The following FOSB variants were observed in gnomAD, a reference collection of about 807,000 sequenced individuals.
FOSB encodes FosB proto-oncogene, AP-1 transcription factor subunit.
In FOSB, 8 loss-of-function variants were observed where a neutral mutation model predicts 31.1. The observed-to-expected ratio is 0.26, with a 90% confidence interval of 0.15 to 0.46. The LOEUF is 0.46. FOSB is among the 20% of genes least tolerant of loss of function. The probability of loss-of-function intolerance (pLI) is 0.99; values close to 1 mark genes in which losing one functional copy is unlikely to be tolerated. For missense variants in FOSB, 376 were observed against 460.6 expected (o/e 0.82, Z 1.68); for synonymous variants, 214 against 206.1 (o/e 1.04, Z -0.33).
At chr19:45,471,072 A>G (rs1411768618) in intron 2 of FOSB, 122 bp from the exon 3 acceptor site, 3 of 1,333,102 alleles carry the variant, frequency 2.3e-6, no homozygotes, top group East Asian at 2.5e-5. Context: ...GATCCTTGCT[A>G]CACGAGCGAG....
Position 45,474,278 on chromosome 19 carries a change from C to A in FOSB, c.*1266C>A, listed in dbSNP as rs911805738. On this transcript the variant is annotated 3_prime_UTR_variant, in exon 4 of 4. Transcript: ENST00000353609. ...AGCTGAGGCTTTGGTACCCCCAAAC[C>A]CCCAATATTTTTGGACTGGCAGACT... 1 of 152,364 alleles carries A rather than the reference C, an allele frequency of 6.6e-6. No homozygotes were observed. Among genetic ancestry groups the A allele is most frequent in the Non-Finnish European group, 1.5e-5 (1 of 68,014 alleles). The allele number at this position is 152,364 out of a possible 1,614,324, so 9.4% of individuals were successfully genotyped here. A position where few individuals can be genotyped will look rare whatever the true frequency, so the allele number is the denominator to read the frequency against.
Position 45,474,721 on chromosome 19 carries a change from T to C in FOSB, c.*1709T>C, listed in dbSNP as rs989069304. On this transcript the variant is annotated 3_prime_UTR_variant, in exon 4 of 4. Coordinates refer to ENST00000353609, the MANE Select transcript of FOSB (RefSeq NM_006732.3). ...AATTGGAAACTGCTTCTAGAAACTCTGGCTCAGCCTGTCTCGGGCTGACCC... is the reference window on the plus strand; with the variant it reads ...AATTGGAAACTGCTTCTAGAAACTCCGGCTCAGCCTGTCTCGGGCTGACCC... The C allele has an allele frequency of 1.3e-5, 2 of 152,120 alleles. No homozygotes were observed. The highest frequency in any genetic ancestry group is 2.9e-5 in the Non-Finnish European group (2 of 68,018). The allele number at this position is 152,120 out of a possible 1,614,324, so 9.4% of individuals were successfully genotyped here.
rs949236153 is a variant in FOSB, at chr19:45,473,512, C to T, written c.*500C>T. On this transcript the variant is annotated 3_prime_UTR_variant, in exon 4 of 4. Transcript: ENST00000353609. ...TTTTTGGGGTGCCTAGGTTGGTTTCCCCTGCACTCCCGACCTTAGCTTATT... is the reference window on the plus strand; with the variant it reads ...TTTTTGGGGTGCCTAGGTTGGTTTCTCCTGCACTCCCGACCTTAGCTTATT... The T allele has an allele frequency of 6.3e-6, 1 of 159,136 alleles. No individual in the cohort carries two copies. The highest frequency in any genetic ancestry group is 1.4e-5 in the Non-Finnish European group (1 of 72,096). 9.9% of individuals were successfully genotyped at this position (159,136 alleles called of 1,614,324 possible). A position where few individuals can be genotyped will look rare whatever the true frequency, so the allele number is the denominator to read the frequency against.
chr19:45,470,664 C>A lies in FOSB; in HGVS notation c.162C>A (p.Phe54Leu). ...CAGLGEMPGSFVPTVTAITTS... is the reference protein window; with the variant it reads ...CAGLGEMPGSLVPTVTAITTS... ...GTCTCGGGGAAATGCCCGGTTCCTT[C>A]GTGCCCACGGTCACCGCGATCACAA... The change falls in exon 2 of 4, where the codon TTC becomes TTA. Residue 54 changes from phenylalanine (F) to leucine (L), a missense_variant. Physicochemically the swap from Phe to Leu is conservative, Grantham distance 22. Transcript: ENST00000353609. 1 of 1,612,044 alleles carries A rather than the reference C, an allele frequency of 6.2e-7. No homozygotes were observed. The highest frequency in any genetic ancestry group is 1.1e-5 in the South Asian group (1 of 91,008).
intron 1 of FOSB, chr19:45,469,879 G>A (rs1967575976): frequency 1.3e-5 from 2 of 152,318 alleles, no homozygotes; most frequent in Admixed American, 1.3e-4. Context: ...CCCCCCGAGA[G>A]AGTAGTTAAG....
chr19:45,472,526 T>G lies in FOSB; in HGVS notation c.556-25T>G, dbSNP rs377657527. On this transcript the variant is annotated intron_variant, in intron 3 of 3. Transcript: ENST00000353609. The surrounding 1 kb of genome is among the most constrained non-coding windows in gnomAD (Gnocchi z 5.4). ...TTTTTTCTCCTTCCTCTCTCTCTTC[T>G]GTGACCTGGCCTCCCTGGCCTCAGG... The G allele has an allele frequency of 1.3e-6, 2 of 1,490,296 alleles. No individual in the cohort carries two copies. The highest frequency in any genetic ancestry group is 4.7e-5 in the East Asian group (2 of 42,666). 92.3% of individuals were successfully genotyped at this position (1,490,296 alleles called of 1,614,324 possible). A position where few individuals can be genotyped will look rare whatever the true frequency, so the allele number is the denominator to read the frequency against.
Position 45,468,629 on chromosome 19 carries a change from T to C in FOSB, c.43T>C (p.Cys15Arg). 1 of 1,613,618 alleles carries C rather than the reference T, an allele frequency of 6.2e-7. No individual in the cohort carries two copies. The highest frequency in any genetic ancestry group is 8.5e-7 in the Non-Finnish European group (1 of 1,179,884). Residue 15 changes from cysteine (C) to arginine (R), a missense_variant, in exon 1 of 4, where the codon TGC becomes CGC. Cys to Arg is a radical substitution (Grantham distance 180). Transcript: ENST00000353609. This position sits in a 1 kb window ranked among gnomAD's most constrained non-coding sequence, Gnocchi z 4.8. ...FPGDYDSGSRCSSSPSAESQY... is the reference protein window; with the variant it reads ...FPGDYDSGSRRSSSPSAESQY... ...CGGAGACTACGACTCCGGCTCCCGG[T>C]GCAGCTCCTCACCCTCTGCCGAGTC... is the stretch of plus-strand genomic sequence containing the variant.
rs201193101 is a variant in FOSB at position 45,470,892 on chromosome 19, T to G, written c.390T>G (p.Ser130Arg). The G allele has an allele frequency of 2.3e-4, 365 of 1,613,610 alleles. No individual in the cohort carries two copies. Among genetic ancestry groups the G allele is most frequent in the Non-Finnish European group, 3.0e-4 (353 of 1,179,988 alleles). Residue 130 changes from serine to arginine, a missense_variant, in exon 2 of 4, where the codon AGT (serine) becomes AGG (arginine). Ser to Arg is a moderately radical substitution (Grantham distance 110, BLOSUM62 -1). Transcript: ENST00000353609. ...SGGPSTSGTT[S>R]GPGPARPARA... is the part of the protein sequence containing the mutation. ...GGCCTTCCACCAGCGGAACTACCAG[T>G]GGGCCTGGGCCTGCCCGCCCAGCCC...
chr19:45,471,686 A>C, intron 3 of FOSB: 2 of 170,404 alleles, frequency 1.2e-5, no homozygotes, highest in African/African-American at 2.4e-5. Context: ...GGCTCTTTCT[A>C]CCCTTAACAC....
In FOSB at chr19:45,472,598, C is replaced by A. The variant is rs1217836451; in HGVS notation, c.603C>A (p.Ile201=). The change falls in exon 4 of 4, where the codon ATC becomes ATA. Residue 201 remains isoleucine (I), a synonymous_variant. Transcript: ENST00000353609. This position sits in a 1 kb window ranked among gnomAD's most constrained non-coding sequence, Gnocchi z 5.4. ...AAAAAGCAGAGCTGGAGTCGGAGAT[C>A]GCCGAGCTCCAAAAGGAGAAGGAAC... ...EEEKAELESE[I]AELQKEKERL... is the part of the protein sequence containing the mutation. 6.5e-7 allele frequency: 1 copy of A among 1,531,962 alleles called. No homozygotes were observed. Among genetic ancestry groups the A allele is most frequent in the South Asian group, 1.3e-5 (1 of 77,172 alleles). 94.9% of individuals were successfully genotyped at this position (1,531,962 alleles called of 1,614,324 possible).
At chr19:45,471,022 G>T in intron 2 of FOSB, 73 bp downstream of exon 2, 6 of 1,490,414 alleles carry the variant, frequency 4.0e-6, no homozygotes, top group Non-Finnish European at 5.5e-6. Context: ...TATGAATGGA[G>T]GGGGGCTCCA....
Position 45,472,730 on chromosome 19 carries a change from A to C in FOSB, c.735A>C (p.Ala245=). Residue 245 remains alanine (A), a synonymous_variant, in exon 4 of 4, where the codon GCA becomes GCC. Transcript: ENST00000353609. The surrounding 1 kb of genome is among the most constrained non-coding windows in gnomAD (Gnocchi z 5.4). ...LAEVRDLPGS[A]PAKEDGFSWL... ...AGGTGAGAGATTTGCCGGGCTCAGC[A>C]CCGGCTAAGGAAGATGGCTTCAGCT... The C allele has an allele frequency of 1.2e-6, 2 of 1,613,144 alleles. No individual in the cohort carries two copies. The highest frequency in any genetic ancestry group is 1.7e-6 in the Non-Finnish European group (2 of 1,179,494).
Position 45,472,648 on chromosome 19 carries a change from A to T in FOSB, c.653A>T (p.His218Leu). The change falls in exon 4 of 4, where the codon CAC (histidine) becomes CTC (leucine). Residue 218 changes from histidine to leucine, a missense_variant. Transcript: ENST00000353609. This position sits in a 1 kb window ranked among gnomAD's most constrained non-coding sequence, Gnocchi z 5.4. ...CGTCTGGAGTTTGTGCTGGTGGCCC[A>T]CAAACCGGGCTGCAAGATCCCCTAC... is the stretch of plus-strand genomic sequence containing the variant. The part of the protein sequence containing the change: ...KERLEFVLVA[H>L]KPGCKIPYEE... The T allele has an allele frequency of 1.3e-6, 2 of 1,590,516 alleles. No individual in the cohort carries two copies. Among genetic ancestry groups the T allele is most frequent in the Non-Finnish European group, 1.7e-6 (2 of 1,170,432 alleles).
In FOSB at chr19:45,473,127, C is replaced by A; in HGVS notation, c.*115C>A. ...GAGACAAAGTGGGTGTGTGGCCTCC[C>A]TGGCTCCTCCGTCTGACCCTCTGCG... On this transcript the variant is annotated 3_prime_UTR_variant, in exon 4 of 4. Transcript: ENST00000353609. The A allele has an allele frequency of 1.1e-6, 1 of 932,834 alleles. No homozygotes were observed. The highest frequency in any genetic ancestry group is 1.6e-6 in the Non-Finnish European group (1 of 613,258). The allele number at this position is 932,834 out of a possible 1,614,324, so 57.8% of individuals were successfully genotyped here.
Position 45,471,218 on chromosome 19 carries a change from C to G in FOSB, c.472C>G (p.Arg158Gly). 1 of 1,565,990 alleles carries G rather than the reference C, an allele frequency of 6.4e-7. No individual in the cohort carries two copies. Among genetic ancestry groups the G allele is most frequent in the Non-Finnish European group, 8.7e-7 (1 of 1,154,948 alleles). Reference protein sequence around the residue: ...ETLTPEEEEKRRVRRERNKLA... With the variant: ...ETLTPEEEEKGRVRRERNKLA... ...GCTCACCCCAGAGGAAGAGGAGAAG[C>G]GAAGGGTGCGCCGGGAACGAAATAA... The change falls in exon 3 of 4, where the codon CGA becomes GGA. Residue 158 changes from arginine to glycine, a missense_variant. Transcript: ENST00000353609.
Position 45,472,654 on chromosome 19 carries a change from C to G in FOSB, c.659C>G (p.Pro220Arg), listed in dbSNP as rs1409932989. Residue 220 changes from proline to arginine, a missense_variant, in exon 4 of 4, where the codon CCG becomes CGG. This residue lies in a region of FOSB where 148 missense variants were observed against 170.0 expected (regional missense o/e 0.87). Transcript: ENST00000353609. This position sits in a 1 kb window ranked among gnomAD's most constrained non-coding sequence, Gnocchi z 5.4. ...GAGTTTGTGCTGGTGGCCCACAAAC[C>G]GGGCTGCAAGATCCCCTACGAAGAG... The part of the protein sequence containing the change: ...RLEFVLVAHK[P>R]GCKIPYEEGP... 6 of 1,591,812 alleles carry G rather than the reference C, an allele frequency of 3.8e-6. No homozygotes were observed. Among genetic ancestry groups the G allele is most frequent in the Non-Finnish European group, 5.1e-6 (6 of 1,170,984 alleles).
At chr19:45,469,274 G>C (rs1477068967) in intron 1 of FOSB, among the ~76,000 whole-genome samples, 1 of 152,186 alleles carries the variant, frequency 6.6e-6, no homozygotes, top group Admixed American at 6.5e-5. Flanking sequence ...CGTCTGACGC[G>C]GGGCACGCAC....
rs756161522 is a variant in FOSB, at chr19:45,470,825, G to A, written c.323G>A (p.Gly108Asp). 3 of 1,614,052 alleles carry A rather than the reference G, an allele frequency of 1.9e-6. No homozygotes were observed. Among genetic ancestry groups the A allele is most frequent in the East Asian group, 2.2e-5 (1 of 44,874 alleles). ...DMPGTSYSTPGMSGYSSGGAS... is the reference protein window; with the variant it reads ...DMPGTSYSTPDMSGYSSGGAS... ...CCGGGAACCAGCTACTCCACACCAG[G>A]CATGAGTGGCTACAGCAGTGGCGGA... Residue 108 changes from glycine to aspartate, a missense_variant, in exon 2 of 4, where the codon GGC (glycine) becomes GAC (aspartate). Transcript: ENST00000353609.
Position 45,470,334 on chromosome 19 carries a change from T to C in FOSB, c.127-295T>C, listed in dbSNP as rs927965788. 13 of 417,398 alleles carry C rather than the reference T, an allele frequency of 3.1e-5. 1 individual carries two copies. The Admixed American group carries it at 3.2e-4, about 10-fold the overall frequency. 25.9% of individuals were successfully genotyped at this position (417,398 alleles called of 1,614,324 possible). A position where few individuals can be genotyped will look rare whatever the true frequency, so the allele number is the denominator to read the frequency against. ...TGTCCAGCCTCCTCTCCACCCCCCA[T>C]ACCTAAGAGTCACCAACCCGGGGTG... On this transcript the variant is annotated intron_variant, in intron 1 of 3. Coordinates refer to ENST00000353609, the MANE Select transcript of FOSB (RefSeq NM_006732.3).
Sources: allele counts gnomAD v4.1 joint callset (sites outside exome capture counted in the v4.1 genomes callset), GRCh38; gene constraint gnomAD v4.1.1; regional missense constraint gnomAD v4.1.1; non-coding constraint Gnocchi (gnomAD v3.1); transcripts MANE v1.5; gene names NCBI Gene and HGNC (gene_info 2026-07-23, HGNC 2026-07-21).